The following NFATC2 variants were observed in gnomAD, a reference collection of about 807,000 sequenced individuals.
NFATC2 encodes nuclear factor of activated T cells 2.
A neutral mutation model predicts 87.3 loss-of-function variants in NFATC2; 22 were observed. The observed-to-expected ratio is 0.25, with a 90% CI of 0.18 to 0.36. The LOEUF is 0.36. Ranked by LOEUF, NFATC2 falls within the 10% of genes least tolerant of loss-of-function variation. NFATC2 has a pLI of 1.00. For synonymous variants in NFATC2, 565 were observed against 542.2 expected (o/e 1.04, Z -0.58); for missense variants, 1,149 against 1,259.1 (o/e 0.91, Z 1.32).
chr20:51,539,744 C>A (rs1168584918), intron 1 of NFATC2, among the ~76,000 whole-genome samples: 1 of 152,166 alleles, frequency 6.6e-6, no homozygotes, highest in African/African-American at 2.4e-5. Flanking sequence ...AGCAATCTTC[C>A]CACCTCGACT....
At chr20:51,455,457 A>G (rs538684393) in intron 5 of NFATC2, among the ~76,000 whole-genome samples, 4 of 151,854 alleles carry the variant, frequency 2.6e-5, no homozygotes, top group African/African-American at 9.7e-5. Context: ...TCCCCTCCCA[A>G]GAGTTAAAAC....
intron 9 of NFATC2, among the ~76,000 whole-genome samples, chr20:51,431,396 T>C (rs1408015737): frequency 1.3e-5 from 2 of 152,138 alleles, no homozygotes; most frequent in African/African-American, 4.8e-5. Context: ...GCAGACCCCT[T>C]GCCCACAAAC....
At chr20:51,442,866 G>A (rs1984552101) in intron 6 of NFATC2, among the ~76,000 whole-genome samples, 1 of 152,026 alleles carries the variant, frequency 6.6e-6, no homozygotes. Flanking sequence ...CCGAGAGATG[G>A]ACCATGTATG....
intron 5 of NFATC2, among the ~76,000 whole-genome samples, chr20:51,457,531 C>A (rs2146444085): frequency 6.6e-6 from 1 of 152,240 alleles, no homozygotes; most frequent in African/African-American, 2.4e-5. Context: ...TCTCAGCAAC[C>A]AACAGATTCA....
intron 3 of NFATC2, among the ~76,000 whole-genome samples, chr20:51,497,549 G>C (rs2076008982): frequency 6.6e-6 from 1 of 152,124 alleles, no homozygotes; most frequent in Non-Finnish European, 1.5e-5. Flanking sequence ...CTGCAAACAA[G>C]GCCACATTTG....
intron 7 of NFATC2, 53 bp from the exon 8 acceptor site, chr20:51,435,367 C>G: frequency 6.2e-7 from 1 of 1,611,362 alleles, no homozygotes; most frequent in Non-Finnish European, 8.5e-7. Flanking sequence ...TCAGTTCCTA[C>G]CCAGACCCTA....
At chr20:51,540,658 G>GTTTTTTTTTTTTTTTTTTTTTTT (rs397864888) in intron 1 of NFATC2, among the ~76,000 whole-genome samples, 2 of 110,050 alleles carry the variant, frequency 1.8e-5, no homozygotes, top group Admixed American at 9.4e-5. Context: ...TTTTTTTTTT[G>GTTTTTTTTTTTTTTTTTTTTTTT]TTTTTTTTTT....
chr20:51,513,572 A>G (rs1441097787), intron 3 of NFATC2, among the ~76,000 whole-genome samples: 1 of 152,266 alleles, frequency 6.6e-6, no homozygotes, highest in Non-Finnish European at 1.5e-5. Flanking sequence ...CACAAACTTC[A>G]GGGACAGCCT....
chr20:51,534,903 T>A (rs921720670), intron 1 of NFATC2, among the ~76,000 whole-genome samples: 1 of 152,242 alleles, frequency 6.6e-6, no homozygotes, highest in African/African-American at 2.4e-5. Flanking sequence ...CTCAGCAGAA[T>A]GTCTGAGCTT....
In NFATC2 at chr20:51,390,845, C is replaced by T. The variant is rs34123368; in HGVS notation, c.*651G>A. On this transcript the variant is annotated 3_prime_UTR_variant, in exon 11 of 11. Coordinates refer to ENST00000371564, the MANE Select transcript of NFATC2 (RefSeq NM_012340.5). ...TGGCCCAGTTGTGGCATGGACTGGG[C>T]GAGCTCTAAGGACTGACAGTTCAGT... is the stretch of plus-strand genomic sequence containing the variant. 3.0e-3 allele frequency: 559 copies of T among 183,478 alleles called. 2 individuals are homozygous for T. Among genetic ancestry groups the T allele is most frequent in the Non-Finnish European group, 5.3e-3 (451 of 85,224 alleles). The allele number at this position is 183,478 out of a possible 1,614,324, so 11.4% of individuals were successfully genotyped here.
intron 9 of NFATC2, among the ~76,000 whole-genome samples, chr20:51,421,553 G>A (rs113880208): frequency 6.6e-6 from 1 of 152,182 alleles, no homozygotes; most frequent in Non-Finnish European, 1.5e-5. Flanking sequence ...AGACAAAAGG[G>A]AATGGCGGGG....
intron 1 of NFATC2, among the ~76,000 whole-genome samples, chr20:51,550,852 A>G (rs1174371302): frequency 6.6e-6 from 1 of 152,230 alleles, no homozygotes; most frequent in Non-Finnish European, 1.5e-5. Flanking sequence ...GTTTCTACTG[A>G]ACTCATATCG....
At chr20:51,408,144 G>A (rs767020344) in intron 9 of NFATC2, among the ~76,000 whole-genome samples, 1 of 152,196 alleles carries the variant, frequency 6.6e-6, no homozygotes, top group Non-Finnish European at 1.5e-5. Context: ...GGGAAGGACA[G>A]TGAGCCTCGT....
intron 5 of NFATC2, 94 bp downstream of exon 5, chr20:51,473,886 C>A (rs1988464560): frequency 1.4e-6 from 2 of 1,397,612 alleles, no homozygotes; most frequent in South Asian, 2.8e-5. Context: ...CCGCAGGCCA[C>A]CCCGGGTACC....
At chr20:51,483,306 AAC>A (rs1277788603) in intron 3 of NFATC2, among the ~76,000 whole-genome samples, 2 of 151,970 alleles carry the variant, frequency 1.3e-5, no homozygotes, top group Non-Finnish European at 2.9e-5. Context: ...CAACGGGCCA[AAC>A]AGTTTTGAAT....
At chr20:51,477,088 A>C (rs1988782374) in intron 3 of NFATC2, among the ~76,000 whole-genome samples, 1 of 152,176 alleles carries the variant, frequency 6.6e-6, no homozygotes, top group Non-Finnish European at 1.5e-5. Flanking sequence ...ACGTACAAAA[A>C]TGTTTACAAA....
In NFATC2 at chr20:51,562,544, A is replaced by G; in HGVS notation, c.70+16T>C. ...GAGCGAGCGGAAAAGGCTGGAAGGG[A>G]TCGAGAGTCAGTTACCTTGGTCCAC... On this transcript the variant is annotated intron_variant, in intron 1 of 10. Transcript: ENST00000414705. The surrounding 1 kb of genome is among the most constrained non-coding windows in gnomAD (Gnocchi z 5.8). The G allele has an allele frequency of 6.5e-7, 1 of 1,548,836 alleles. No individual in the cohort carries two copies. Among genetic ancestry groups the G allele is most frequent in the Non-Finnish European group, 8.7e-7 (1 of 1,144,710 alleles).
In NFATC2 at chr20:51,535,092, A is replaced by G. The variant is rs530661251; in HGVS notation, c.130+7278T>C. Among the ~76,000 whole-genome samples, 6 of 152,318 alleles carry G rather than the reference A, an allele frequency of 3.9e-5. No homozygotes were observed. The East Asian group carries it at 9.7e-4, about 25-fold the overall frequency. On this transcript the variant is annotated intron_variant, in intron 1 of 10. Transcript: ENST00000371564. ...CAGAAGAGAGTTCAATGCATGACAGAGAACAGACCTCAGAGTGGCTTCCTC... is the reference window on the plus strand; with the variant it reads ...CAGAAGAGAGTTCAATGCATGACAGGGAACAGACCTCAGAGTGGCTTCCTC...
intron 3 of NFATC2, among the ~76,000 whole-genome samples, chr20:51,513,844 C>T (rs959283399): frequency 1.3e-5 from 2 of 152,230 alleles, no homozygotes; most frequent in Non-Finnish European, 1.5e-5. Context: ...TGGAGTGGCC[C>T]GCAGGAGGCG....
Sources: gnomAD v4.1 joint callset for allele counts (sites outside exome capture counted in the v4.1 genomes callset) on GRCh38, gnomAD v4.1.1 for gene constraint, Gnocchi (gnomAD v3.1) non-coding constraint, MANE v1.5 for transcripts, NCBI Gene and HGNC (gene_info 2026-07-23, HGNC 2026-07-21) for gene names.